TMEM67: variants seen among roughly 807,000 people sequenced by gnomAD.
TMEM67 encodes transmembrane protein 67.
TMEM67 carries 124 observed loss-of-function variants against 136.6 expected under a neutral mutation model. That is an observed-to-expected ratio of 0.91 (90% CI 0.78 to 1.05). The LOEUF (loss-of-function observed/expected upper bound fraction) is 1.05, where lower values mean the gene tolerates loss of function less well. Ranked by LOEUF, TMEM67 falls within the 50% of genes least tolerant of loss-of-function variation. The pLI, the probability that TMEM67 is intolerant of heterozygous loss-of-function variation, is 0.00. For missense variants in TMEM67, 1,107 were observed against 1,178.4 expected (o/e 0.94, Z 0.89); for synonymous variants, 364 against 390.5 (o/e 0.93, Z 0.80).
chr8:93,768,485 T>C (rs1244376907), intron 6 of TMEM67, among the ~76,000 whole-genome samples: 1 of 151,412 alleles, frequency 6.6e-6, no homozygotes, highest in African/African-American at 2.4e-5. Context: ...GGTGGTGCCC[T>C]CTGTAACCCA....
intron 7 of TMEM67, among the ~76,000 whole-genome samples, chr8:93,773,246 A>G (rs1164348397): frequency 6.6e-6 from 1 of 152,172 alleles, no homozygotes; most frequent in Non-Finnish European, 1.5e-5. Context: ...TTCATGCTTA[A>G]GAGAGAAGGA....
At chr8:93,832,253 G>A in the TMEM67 span, among the ~76,000 whole-genome samples, 1 of 152,180 alleles carries the variant, frequency 6.6e-6, no homozygotes, top group Non-Finnish European at 1.5e-5. Flanking sequence ...CTCAAAGTCT[G>A]CTTTGCTTTG....
chr8:93,804,458 G>A (rs1203069672), intron 22 of TMEM67, among the ~76,000 whole-genome samples: 2 of 146,046 alleles, frequency 1.4e-5, no homozygotes, highest in Non-Finnish European at 3.0e-5. Context: ...GGGACCACAG[G>A]TGTGCACCAC....
intron 27 of TMEM67, among the ~76,000 whole-genome samples, chr8:93,815,992 T>TA (rs1436408015): frequency 6.6e-6 from 1 of 152,268 alleles, no homozygotes; most frequent in Non-Finnish European, 1.5e-5. Context: ...TATATATAAG[T>TA]AAGATGCAAT....
At chr8:93,787,501 T>C (rs1814166219) in intron 13 of TMEM67, among the ~76,000 whole-genome samples, 1 of 152,242 alleles carries the variant, frequency 6.6e-6, no homozygotes, top group East Asian at 1.9e-4. Context: ...ACTGTACTTT[T>C]GATTATTCCT....
chr8:93,768,797 T>C (rs930195534), intron 6 of TMEM67, among the ~76,000 whole-genome samples: 7 of 151,960 alleles, frequency 4.6e-5, no homozygotes, highest in African/African-American at 1.7e-4. Flanking sequence ...CCCCTCACTT[T>C]CTATTCCACC....
intron 6 of TMEM67, among the ~76,000 whole-genome samples, chr8:93,769,074 G>A (rs1042492501): frequency 1.3e-5 from 2 of 152,042 alleles, no homozygotes; most frequent in Non-Finnish European, 2.9e-5. Flanking sequence ...GAACAGGAAC[G>A]ACACCACTGC....
At chr8:93,821,126 C>A (rs1036342370), downstream of TMEM67, among the ~76,000 whole-genome samples, 9 of 152,068 alleles carry the variant, frequency 5.9e-5, no homozygotes, top group Non-Finnish European at 1.3e-4. Flanking sequence ...TTAGATGTGC[C>A]ATTGAATATC....
intron 3 of TMEM67, chr8:93,758,953 C>G (rs1288763280): frequency 1.2e-5 from 2 of 160,192 alleles, no homozygotes; most frequent in Non-Finnish European, 2.7e-5. Context: ...CTTAAAACAT[C>G]AGCAGGCATT....
chr8:93,804,311 T>TTTTC (rs386413370), intron 22 of TMEM67, among the ~76,000 whole-genome samples: 29,326 of 85,734 alleles, frequency 0.34, 4,668 homozygotes, highest in East Asian at 0.61. Context: ...TTTTCTTTTC[T>TTTTC]TTTTTTTTTT....
chr8:93,769,686 G>C (rs911269929), intron 6 of TMEM67: 1 of 166,926 alleles, frequency 6.0e-6, no homozygotes, highest in South Asian at 2.1e-4. Flanking sequence ...TAAGAACTCA[G>C]TTTTATCCAT....
chr8:93,755,885 A>T lies in TMEM67; in HGVS notation c.312+19A>T, dbSNP rs777205068. On this transcript the variant is annotated intron_variant, in intron 2 of 27. Coordinates refer to ENST00000453321, the MANE Select transcript of TMEM67 (RefSeq NM_153704.6). ...AAACATGGTGCGCATAATTTATTTTAAAATAACTTACCTGTAAAAAGTAGT... is the reference window on the plus strand; with the variant it reads ...AAACATGGTGCGCATAATTTATTTTTAAATAACTTACCTGTAAAAAGTAGT... 14 of 1,383,292 alleles carry T rather than the reference A, an allele frequency of 1.0e-5. No homozygotes were observed. Among genetic ancestry groups the T allele is most frequent in the Admixed American group, 3.5e-5 (2 of 57,874 alleles). 85.7% of individuals were successfully genotyped at this position (1,383,292 alleles called of 1,614,324 possible).
In TMEM67 at chr8:93,758,549, T is replaced by A. The variant is rs763103342; in HGVS notation, c.379T>A (p.Cys127Ser). Residue 127 changes from cysteine to serine, a missense_variant, in exon 3 of 28, where the codon TGT (cysteine) becomes AGT (serine). By Grantham distance (112) the Cys-to-Ser change is moderately radical (BLOSUM62 -1). Around this residue, in one of 3 missense-constraint regions of TMEM67, gnomAD observed 178 missense variants for 159.2 expected, o/e 1.12. Coordinates refer to ENST00000453321, the MANE Select transcript of TMEM67 (RefSeq NM_153704.6). ...CPSDLTAEGKCHCPIGHILVE... is the reference protein window; with the variant it reads ...CPSDLTAEGKSHCPIGHILVE... Reference sequence around the variant, plus strand: ...TAGTGACTTAACTGCCGAAGGAAAATGTCACTGTCCCATTGGCCATATTTT... The same window carrying A: ...TAGTGACTTAACTGCCGAAGGAAAAAGTCACTGTCCCATTGGCCATATTTT... 1 of 1,613,892 alleles carries A rather than the reference T, an allele frequency of 6.2e-7. No individual in the cohort carries two copies. The highest frequency in any genetic ancestry group is 1.1e-5 in the South Asian group (1 of 91,052).
chr8:93,825,937 A>G, the TMEM67 span, among the ~76,000 whole-genome samples: 1 of 152,132 alleles, frequency 6.6e-6, no homozygotes, highest in Non-Finnish European at 1.5e-5. Flanking sequence ...GAGGCTGCCT[A>G]CTTGGCCTCC....
chr8:93,772,027 A>C (rs983358580), intron 6 of TMEM67, among the ~76,000 whole-genome samples: 1 of 152,058 alleles, frequency 6.6e-6, no homozygotes, highest in Admixed American at 6.6e-5. Flanking sequence ...TTTTAGCCAG[A>C]GGTTTGTTAT....
intron 26 of TMEM67, among the ~76,000 whole-genome samples, chr8:93,814,282 G>A (rs1220168033): frequency 1.3e-5 from 2 of 151,696 alleles, no homozygotes; most frequent in Admixed American, 1.3e-4. Context: ...TGGGACTACA[G>A]GCGCCCGCCA....
intron 23 of TMEM67, 102 bp downstream of exon 23, chr8:93,804,980 T>C (rs1815073518): frequency 1.0e-5 from 8 of 785,578 alleles, no homozygotes; most frequent in Non-Finnish European, 1.7e-5. Flanking sequence ...TGATAACTTT[T>C]TTTTCTTTTT....
Position 93,755,021 on chromosome 8 carries a change from C to A in TMEM67, c.107C>A (p.Ala36Asp), listed in dbSNP as rs34779331. Residue 36 changes from alanine (A) to aspartate (D), a missense_variant, in exon 1 of 28, where the codon GCC becomes GAC. Physicochemically the swap from Ala to Asp is moderately radical, Grantham distance 126. Transcript: ENST00000453321. ...TTGTTCCTCCCTCGCTTCTTACAGGCCCAGACCTTCTCTTTCCCTTTCCAG... is the reference window on the plus strand; with the variant it reads ...TTGTTCCTCCCTCGCTTCTTACAGGACCAGACCTTCTCTTTCCCTTTCCAG... ...LLLFLPRFLQ[A>D]QTFSFPFQQP... 6.2e-7 allele frequency: 1 copy of A among 1,614,176 alleles called. No individual in the cohort carries two copies. Among genetic ancestry groups the A allele is most frequent in the South Asian group, 1.1e-5 (1 of 91,078 alleles).
At chr8:93,759,015 A>G (rs1056662455) in intron 3 of TMEM67, 1 of 154,860 alleles carries the variant, frequency 6.5e-6, no homozygotes, top group African/African-American at 2.4e-5. Context: ...TTAATATTGT[A>G]GGATTAGATG....
Sources: gnomAD v4.1 joint callset for allele counts (sites outside exome capture counted in the v4.1 genomes callset) on GRCh38, gnomAD v4.1.1 for gene constraint, gnomAD v4.1.1 regional missense constraint, MANE v1.5 for transcripts, NCBI Gene and HGNC (gene_info 2026-07-23, HGNC 2026-07-21) for gene names.